Variants in PRKCE observed in about 807,000 individuals in gnomAD.
PRKCE encodes protein kinase C epsilon type.
A neutral mutation model predicts 85.4 loss-of-function variants in PRKCE; 16 were observed. The observed-to-expected ratio is 0.19, with a 90% confidence interval of 0.13 to 0.28. The LOEUF is 0.28. Ranked by LOEUF, PRKCE falls within the 10% of genes least tolerant of loss-of-function variation. The probability of loss-of-function intolerance (pLI) is 1.00; values close to 1 mark genes in which losing one functional copy is unlikely to be tolerated. For missense variants in PRKCE, 573 were observed against 975.2 expected (o/e 0.59, Z 5.49); for synonymous variants, 388 against 371.5 (o/e 1.04, Z -0.51).
chr2:45,955,838 C>T (rs1396651950), intron 2 of PRKCE, among the ~76,000 whole-genome samples: 1 of 152,078 alleles, frequency 6.6e-6, no homozygotes, highest in South Asian at 2.1e-4. Context: ...GTAAACTTCA[C>T]CTTTTAGCAT....
intron 1 of PRKCE, among the ~76,000 whole-genome samples, chr2:45,684,047 T>C (rs1677100015): frequency 6.6e-6 from 1 of 152,180 alleles, no homozygotes; most frequent in Non-Finnish European, 1.5e-5. Context: ...TGGTGTTTGC[T>C]GGTAGGAGGG....
chr2:45,679,116 G>A (rs533118075), intron 1 of PRKCE, among the ~76,000 whole-genome samples: 7 of 152,170 alleles, frequency 4.6e-5, no homozygotes, highest in East Asian at 1.9e-4. Flanking sequence ...TTTTGGATCC[G>A]AAGCCAGTCA....
chr2:45,682,310 C>T (rs182761194), intron 1 of PRKCE, among the ~76,000 whole-genome samples: 64 of 152,156 alleles, frequency 4.2e-4, no homozygotes, highest in African/African-American at 1.4e-3. Flanking sequence ...TTGATGAGCA[C>T]CGATTTTACA....
chr2:46,143,253 T>C (rs1332732838), intron 11 of PRKCE, among the ~76,000 whole-genome samples: 2 of 152,152 alleles, frequency 1.3e-5, no homozygotes, highest in Non-Finnish European at 2.9e-5. Flanking sequence ...AGAAGCATCA[T>C]TGTTGTTCCT....
At chr2:45,992,036 T>A (rs1340785323) in intron 6 of PRKCE, among the ~76,000 whole-genome samples, 2 of 152,218 alleles carry the variant, frequency 1.3e-5, no homozygotes, top group Non-Finnish European at 2.9e-5. Flanking sequence ...ATTACTTTAG[T>A]TCTCTAGAAA....
chr2:46,084,022 G>C (rs2103875333), intron 10 of PRKCE, among the ~76,000 whole-genome samples: 1 of 152,324 alleles, frequency 6.6e-6, no homozygotes, highest in East Asian at 1.9e-4. Flanking sequence ...CCAGTGGTCT[G>C]GGGTTGGCGA....
intron 1 of PRKCE, among the ~76,000 whole-genome samples, chr2:45,816,970 A>G (rs1689098814): frequency 1.3e-5 from 2 of 152,208 alleles, no homozygotes; most frequent in African/African-American, 4.8e-5. Context: ...ACTTATAATA[A>G]CAGTAGGTGT....
chr2:45,928,755 C>T (rs1041974073), intron 2 of PRKCE, among the ~76,000 whole-genome samples: 1 of 152,166 alleles, frequency 6.6e-6, no homozygotes, highest in Non-Finnish European at 1.5e-5. Context: ...TTTTCCTGCC[C>T]CCCACTAATA....
At chr2:45,779,852 A>G (rs948282563) in intron 1 of PRKCE, among the ~76,000 whole-genome samples, 1 of 152,224 alleles carries the variant, frequency 6.6e-6, no homozygotes, top group Middle Eastern at 3.2e-3. Flanking sequence ...TATCACAGTC[A>G]TCTTTTAACT....
chr2:45,711,019 G>T (rs1341020179), intron 1 of PRKCE, among the ~76,000 whole-genome samples: 1 of 152,136 alleles, frequency 6.6e-6, no homozygotes, highest in Non-Finnish European at 1.5e-5. Context: ...TCTTTTTTCA[G>T]GTTGCTGCCC....
chr2:46,025,075 G>GT (rs907978752), intron 10 of PRKCE, among the ~76,000 whole-genome samples: 1 of 150,840 alleles, frequency 6.6e-6, no homozygotes, highest in African/African-American at 2.4e-5. Context: ...AAATTTGACT[G>GT]TAAAAAAAAA....
chr2:45,933,284 T>G (rs900503224), intron 2 of PRKCE, among the ~76,000 whole-genome samples: 1 of 152,170 alleles, frequency 6.6e-6, no homozygotes, highest in Non-Finnish European at 1.5e-5. Flanking sequence ...TGTAGTTCCT[T>G]AAGAGGATCT....
At position 46,007,460 on chromosome 2, in the gene PRKCE, A is replaced by C. The variant is rs1428840054; in HGVS notation, c.1064-2A>C. 6.3e-7 allele frequency: 1 copy of C among 1,599,792 alleles called. No homozygotes were observed. The highest frequency in any genetic ancestry group is 8.5e-7 in the Non-Finnish European group (1 of 1,179,948). ...GCAATTTCTTGTTCCCCTTGGCCCT[A>C]GAAATAAAAGAACTTGAGAACAACA... On this transcript the variant is annotated splice_acceptor_variant, in intron 8 of 14. Transcript: ENST00000306156. LOFTEE classifies it high-confidence loss of function.
intron 1 of PRKCE, among the ~76,000 whole-genome samples, chr2:45,756,643 T>C (rs1313443448): frequency 6.6e-6 from 1 of 152,188 alleles, no homozygotes; most frequent in Non-Finnish European, 1.5e-5. Context: ...ATACAATGGA[T>C]ACTATTTAGT....
intron 2 of PRKCE, among the ~76,000 whole-genome samples, chr2:45,928,978 C>CAA (rs1698839182): frequency 1.3e-5 from 2 of 152,172 alleles, no homozygotes; most frequent in South Asian, 4.1e-4. Flanking sequence ...GCAGCCTTTT[C>CAA]CTATTAGCTG....
At position 46,001,250 on chromosome 2, in the gene PRKCE, G is replaced by C. The variant is rs1397673404; in HGVS notation, c.824-154G>C. 9.6e-6 allele frequency among the ~76,000 whole-genome samples: 1 copy of C among 103,950 alleles called. No homozygotes were observed. The highest frequency in any genetic ancestry group is 1.9e-5 in the Non-Finnish European group (1 of 52,680). The allele number at this position is 103,950 out of a possible 152,430, so 68.2% of individuals were successfully genotyped here. ...ATGATTTTGGTTTTGTATGATGGAA[G>C]ACATATATATATATATATATATTTC... On this transcript the variant is annotated intron_variant, in intron 6 of 14. Coordinates refer to ENST00000306156, the MANE Select transcript of PRKCE (RefSeq NM_005400.3). This position sits in a 1 kb window ranked among gnomAD's most constrained non-coding sequence, Gnocchi z 4.4.
At chr2:45,899,945 G>A (rs757571388) in intron 2 of PRKCE, among the ~76,000 whole-genome samples, 2 of 152,220 alleles carry the variant, frequency 1.3e-5, no homozygotes, top group Admixed American at 6.5e-5. Flanking sequence ...CTACTAGCCC[G>A]GGCTCAACTA....
chr2:45,891,229 C>T (rs568484934), intron 2 of PRKCE, among the ~76,000 whole-genome samples: 6 of 152,316 alleles, frequency 3.9e-5, no homozygotes, highest in Non-Finnish European at 2.9e-5. Context: ...AACTTTGATA[C>T]GTACCATTCT....
chr2:45,841,126 C>CA (rs1691311549), intron 1 of PRKCE, among the ~76,000 whole-genome samples: 2 of 152,110 alleles, frequency 1.3e-5, no homozygotes, highest in Admixed American at 6.5e-5. Flanking sequence ...GGTAGATGGA[C>CA]AATGTATTAC....
Sources: gnomAD v4.1 joint callset for allele counts (sites outside exome capture counted in the v4.1 genomes callset) on GRCh38, gnomAD v4.1.1 for gene constraint, Gnocchi (gnomAD v3.1) non-coding constraint, MANE v1.5 for transcripts, NCBI Gene and HGNC (gene_info 2026-07-23, HGNC 2026-07-21) for gene names.